The following FER variants were observed in gnomAD, a reference collection of about 807,000 sequenced individuals.
FER encodes FER tyrosine kinase, also known as tyrosine-protein kinase Fer.
Under a neutral mutation model 111.0 loss-of-function variants are expected in FER, and 63 were observed. The observed-to-expected ratio is 0.57, with a 90% confidence interval of 0.46 to 0.70. FER has a LOEUF of 0.70. Among genes scored for constraint, FER ranks in the 30% least tolerant of loss-of-function variants. The probability of loss-of-function intolerance (pLI) is 0.00; values close to 1 mark genes in which losing one functional copy is unlikely to be tolerated. For synonymous variants in FER, 327 were observed against 313.9 expected (o/e 1.04, Z -0.44); for missense variants, 914 against 954.0 (o/e 0.96, Z 0.55).
At chr5:108,757,581 T>G (rs1751258131) in intron 1 of FER, among the ~76,000 whole-genome samples, 2 of 152,206 alleles carry the variant, frequency 1.3e-5, no homozygotes, top group Admixed American at 1.3e-4. Context: ...TGAAACATTT[T>G]CATTGAGTGT....
chr5:108,991,166 A>G (rs1214646157), intron 13 of FER, among the ~76,000 whole-genome samples: 1 of 151,930 alleles, frequency 6.6e-6, no homozygotes, highest in African/African-American at 2.4e-5. Context: ...TTGAAATTAA[A>G]TACCAATATT....
At chr5:109,165,419 C>T (rs1229798030) in intron 17 of FER, among the ~76,000 whole-genome samples, 5 of 152,044 alleles carry the variant, frequency 3.3e-5, no homozygotes, top group Admixed American at 6.5e-5. Context: ...CATTTGCTGG[C>T]GCCAGAGGTA....
rs1195861669 is a variant in FER, at chr5:108,928,459, TTGAAA to T, written c.1237-17668_1237-17664del. Among the ~76,000 whole-genome samples, 8 of 152,330 alleles carry T rather than the reference TTGAAA, an allele frequency of 5.3e-5. No individual in the cohort carries two copies. In the East Asian group the frequency reaches 1.5e-3, roughly 29 times the overall value. The stretch of plus-strand genomic sequence containing the variant: ...TTTATGAAAATAAATTCGTGAGTTC[TTGAAA>T]TGTATTATAGGGCTCAACTTTTTAA... On this transcript the variant is annotated intron_variant, in intron 10 of 19. Coordinates refer to ENST00000281092, the MANE Select transcript of FER (RefSeq NM_005246.4).
At chr5:108,883,096 C>T (rs1459795301) in intron 8 of FER, among the ~76,000 whole-genome samples, 1 of 151,762 alleles carries the variant, frequency 6.6e-6, no homozygotes, top group Non-Finnish European at 1.5e-5. Context: ...TTTTCTTTAC[C>T]TACTTCTCTT....
In FER at chr5:109,028,039, A is replaced by T. The variant is rs180753218; in HGVS notation, c.1657-9383A>T. On this transcript the variant is annotated intron_variant, in intron 13 of 19. Transcript: ENST00000281092. The stretch of plus-strand genomic sequence containing the variant: ...TTTATAGAAAATTTGGAACAGAGTT[A>T]TTGTGGGAAAATGGAATATTTGTCA... Among the ~76,000 whole-genome samples the T allele has an allele frequency of 7.9e-3, 1,206 of 152,248 alleles. 8 individuals are homozygous for T. The highest frequency in any genetic ancestry group is 0.028 in the African/African-American group (1,150 of 41,550).
intron 16 of FER, among the ~76,000 whole-genome samples, chr5:109,080,475 T>A (rs1167901172): frequency 6.6e-6 from 1 of 152,146 alleles, no homozygotes; most frequent in African/African-American, 2.4e-5. Flanking sequence ...AAATAAACAA[T>A]GCATTACCCA....
intron 9 of FER, chr5:108,894,531 CGAT>C (rs890536220): frequency 4.5e-5 from 18 of 396,500 alleles, no homozygotes; most frequent in African/African-American, 3.8e-4. Flanking sequence ...GTTGAGATAC[CGAT>C]CCACAGAATG....
At chr5:108,874,987 C>A (rs1220046333) in intron 8 of FER, among the ~76,000 whole-genome samples, 1 of 150,790 alleles carries the variant, frequency 6.6e-6, no homozygotes, top group Admixed American at 6.6e-5. Context: ...TGAAACTGGA[C>A]AGATAACTTA....
chr5:108,978,446 A>G (rs1246738733), intron 13 of FER, among the ~76,000 whole-genome samples: 1 of 152,156 alleles, frequency 6.6e-6, no homozygotes, highest in Non-Finnish European at 1.5e-5. Context: ...TTTCTTGGAA[A>G]TATATTTTGG....
At chr5:108,898,800 G>A (rs1163026027) in intron 10 of FER, among the ~76,000 whole-genome samples, 1 of 151,352 alleles carries the variant, frequency 6.6e-6, no homozygotes, top group Non-Finnish European at 1.5e-5. Flanking sequence ...AGTATCACCA[G>A]ACACTGTGAT....
intron 9 of FER, among the ~76,000 whole-genome samples, chr5:108,883,846 A>G (rs1421184738): frequency 6.6e-6 from 1 of 151,974 alleles, no homozygotes; most frequent in Non-Finnish European, 1.5e-5. Context: ...CACCAGACCC[A>G]TTGTGAATTC....
intron 17 of FER, among the ~76,000 whole-genome samples, chr5:109,172,487 G>T (rs1349160576): frequency 1.3e-5 from 1 of 76,144 alleles, no homozygotes. Context: ...ACTGTTGTGG[G>T]GTGGGGGGAG....
At chr5:109,176,283 A>G (rs1052945020) in intron 17 of FER, among the ~76,000 whole-genome samples, 1 of 152,254 alleles carries the variant, frequency 6.6e-6, no homozygotes, top group African/African-American at 2.4e-5. Flanking sequence ...CATACATGAT[A>G]GAATACTATT....
intron 17 of FER, among the ~76,000 whole-genome samples, chr5:109,127,992 A>G (rs1251101786): frequency 6.6e-6 from 1 of 152,122 alleles, no homozygotes; most frequent in Admixed American, 6.5e-5. Flanking sequence ...TGCTTTATCC[A>G]TATTTGATTT....
At chr5:108,936,825 T>C (rs888592797) in intron 10 of FER, among the ~76,000 whole-genome samples, 5 of 152,016 alleles carry the variant, frequency 3.3e-5, no homozygotes, top group Non-Finnish European at 7.4e-5. Context: ...GTTTTCAAAT[T>C]AAAATAATTA....
At chr5:108,832,700 G>A in intron 3 of FER, 70 bp from the exon 4 acceptor site, 2 of 1,124,820 alleles carry the variant, frequency 1.8e-6, no homozygotes, top group Non-Finnish European at 2.3e-6. Context: ...TTAAAGTTTT[G>A]AACTCTTAAA....
At chr5:108,773,798 T>C (rs982392099) in intron 2 of FER, among the ~76,000 whole-genome samples, 7 of 152,136 alleles carry the variant, frequency 4.6e-5, no homozygotes, top group African/African-American at 1.7e-4. Flanking sequence ...TTGAACTAAT[T>C]TACACTACCA....
At chr5:109,129,423 G>A (rs7736773) in intron 17 of FER, among the ~76,000 whole-genome samples, 62,741 of 151,548 alleles carry the variant, frequency 0.41, 13,228 homozygotes, top group African/African-American at 0.45. Context: ...ATGGTATATT[G>A]AAGTCCTGTA....
chr5:109,113,686 C>T (rs547820006), intron 17 of FER, among the ~76,000 whole-genome samples: 7 of 152,224 alleles, frequency 4.6e-5, no homozygotes, highest in African/African-American at 1.7e-4. Context: ...CCTTGCCTAG[C>T]ACTATGCCTG....
Sources: gnomAD v4.1 joint callset for allele counts (sites outside exome capture counted in the v4.1 genomes callset) on GRCh38, gnomAD v4.1.1 for gene constraint, MANE v1.5 for transcripts, NCBI Gene and HGNC (gene_info 2026-07-23, HGNC 2026-07-21) for gene names.